Variants in ZNF345 observed in about 807,000 individuals in gnomAD.
ZNF345 encodes the protein zinc finger protein HZF10.
For synonymous variants in ZNF345, 166 were observed against 187.9 expected (o/e 0.88, Z 0.95); for missense variants, 527 against 589.9 (o/e 0.89, Z 1.10).
intron 3 of ZNF345, chr19:36,888,211 G>T (rs547285707): frequency 6.7e-6 from 1 of 148,634 alleles, no homozygotes; most frequent in African/African-American, 2.5e-5. Flanking sequence ...CATAGAAATA[G>T]AAATGAAATT....
chr19:36,868,629 C>CT (rs539327560), intron 2 of ZNF345, among the ~76,000 whole-genome samples: 21,733 of 134,550 alleles, frequency 0.16, 1,935 homozygotes, highest in Middle Eastern at 0.26. Context: ...TGAGGAGTGG[C>CT]TTTTTTTTTT....
intron 2 of ZNF345, among the ~76,000 whole-genome samples, chr19:36,867,994 A>G (rs1232007033): frequency 1.4e-5 from 2 of 145,778 alleles, no homozygotes; most frequent in Admixed American, 1.4e-4. Context: ...TATGGATATG[A>G]GGAGTGGCTT....
chr19:36,866,911 C>A (rs1322483498), intron 2 of ZNF345, among the ~76,000 whole-genome samples: 5 of 152,156 alleles, frequency 3.3e-5, no homozygotes, highest in African/African-American at 1.2e-4. Context: ...ACCTTTATGA[C>A]TATATCACAG....
At chr19:36,860,232 C>T (rs2072518990) in intron 2 of ZNF345, among the ~76,000 whole-genome samples, 1 of 152,228 alleles carries the variant, frequency 6.6e-6, no homozygotes, top group African/African-American at 2.4e-5. Context: ...GCTGGGATTA[C>T]AGGCATGAGC....
At chr19:36,854,163 TG>T (rs2072351094) in intron 2 of ZNF345, among the ~76,000 whole-genome samples, 1 of 152,130 alleles carries the variant, frequency 6.6e-6, no homozygotes, top group South Asian at 2.1e-4. Context: ...AGTATTCCTT[TG>T]GCATTGACTG....
intron 2 of ZNF345, among the ~76,000 whole-genome samples, chr19:36,868,901 G>T (rs183144253): frequency 1.1e-3 from 166 of 152,120 alleles, no homozygotes; most frequent in East Asian, 3.9e-4. Context: ...TGGGATTACC[G>T]CCCCGCCTGG....
intron 2 of ZNF345, among the ~76,000 whole-genome samples, chr19:36,857,536 C>G (rs567915800): frequency 1.3e-5 from 2 of 151,928 alleles, no homozygotes; most frequent in East Asian, 3.9e-4. Context: ...CCCGAACTCC[C>G]GACCCCAGGT....
chr19:36,892,437 A>C (rs745415672), intron 3 of ZNF345: 23 of 1,599,918 alleles, frequency 1.4e-5, no homozygotes, highest in Non-Finnish European at 1.6e-5. Flanking sequence ...TCTTCTTTAG[A>C]GATAATATTT....
chr19:36,871,903 G>T (rs999596253), intron 2 of ZNF345, among the ~76,000 whole-genome samples: 2 of 152,098 alleles, frequency 1.3e-5, no homozygotes, highest in Non-Finnish European at 2.9e-5. Flanking sequence ...TAGTAGCTGG[G>T]ATTACAGGCA....
At chr19:36,860,293 C>G (rs916180027) in intron 2 of ZNF345, among the ~76,000 whole-genome samples, 1 of 152,182 alleles carries the variant, frequency 6.6e-6, no homozygotes, top group African/African-American at 2.4e-5. Flanking sequence ...TTCCTAACAA[C>G]AAGATTATTC....
At chr19:36,861,550 CTTTTTA>C (rs2072547058) in intron 2 of ZNF345, among the ~76,000 whole-genome samples, 1 of 152,050 alleles carries the variant, frequency 6.6e-6, no homozygotes, top group African/African-American at 2.4e-5. Context: ...TTCTCTTTAT[CTTTTTA>C]TTTTTATTTA....
At chr19:36,852,128 C>CTTTTTTTTTTTTT (rs35747733) in intron 2 of ZNF345, among the ~76,000 whole-genome samples, 1 of 102,704 alleles carries the variant, frequency 9.7e-6, no homozygotes, top group Non-Finnish European at 1.9e-5. Context: ...TTCTTTCTTT[C>CTTTTTTTTTTTTT]TTTTTTTTTT....
At chr19:36,853,008 A>C (rs2072319213) in intron 2 of ZNF345, among the ~76,000 whole-genome samples, 1 of 151,514 alleles carries the variant, frequency 6.6e-6, no homozygotes, top group Non-Finnish European at 1.5e-5. Flanking sequence ...GCAGTTGTAC[A>C]TATGTGTATA....
At chr19:36,856,457 T>A (rs190749092) in intron 2 of ZNF345, among the ~76,000 whole-genome samples, 4 of 152,204 alleles carry the variant, frequency 2.6e-5, no homozygotes, top group African/African-American at 7.2e-5. Context: ...TATATTTGAA[T>A]TTTTTTTCAG....
chr19:36,882,695 A>G (rs1289388496), downstream of ZNF345, among the ~76,000 whole-genome samples: 1 of 152,198 alleles, frequency 6.6e-6, no homozygotes, highest in African/African-American at 2.4e-5. Context: ...TGTGAAAAAA[A>G]TTTAGCATAT....
Position 36,878,422 on chromosome 19 carries a change from A to C in ZNF345, c.*125A>C, listed in dbSNP as rs2072936616. ...TGCTTCACAGGTTAGTCAGTCTAAG[A>C]ATATTTATACAGGAAAAAAATCACC... On this transcript the variant is annotated 3_prime_UTR_variant, in exon 3 of 3. Transcript: ENST00000420450. 2 of 809,708 alleles carry C rather than the reference A, an allele frequency of 2.5e-6. No individual in the cohort carries two copies. The highest frequency in any genetic ancestry group is 6.2e-5 in the South Asian group (2 of 32,150). 50.2% of individuals were successfully genotyped at this position (809,708 alleles called of 1,614,324 possible).
At chr19:36,891,245 A>G in intron 3 of ZNF345, 2 of 405,968 alleles carry the variant, frequency 4.9e-6, no homozygotes, top group Non-Finnish European at 8.6e-6. Flanking sequence ...ACAGATCCTC[A>G]GAGTCCTCAG....
rs1250250940 is a variant in ZNF345 at position 36,879,479 on chromosome 19, T to C, written c.*1182T>C. 6.0e-6 allele frequency: 1 copy of C among 167,046 alleles called. No homozygotes were observed. The highest frequency in any genetic ancestry group is 1.5e-5 in the Non-Finnish European group (1 of 68,112). The allele number at this position is 167,046 out of a possible 1,614,324, so 10.3% of individuals were successfully genotyped here. ...GCCCTTAATATTTTTTGTCTGTAAA[T>C]ATGTTGTTACCATTTTATTGGCTTT... is the stretch of plus-strand genomic sequence containing the variant. On this transcript the variant is annotated 3_prime_UTR_variant, in exon 3 of 3. Coordinates refer to ENST00000420450, the MANE Select transcript of ZNF345 (RefSeq NM_001242472.2).
chr19:36,859,862 C>T (rs1403100561), intron 2 of ZNF345, among the ~76,000 whole-genome samples: 1 of 149,396 alleles, frequency 6.7e-6, no homozygotes, highest in Non-Finnish European at 1.5e-5. Context: ...TCTTCTCTCT[C>T]TCCCTCTCTC....
Sources: gnomAD v4.1 joint callset for allele counts (sites outside exome capture counted in the v4.1 genomes callset) on GRCh38, gnomAD v4.1.1 for gene constraint, MANE v1.5 for transcripts, NCBI Gene and HGNC (gene_info 2026-07-23, HGNC 2026-07-21) for gene names.